Variants in STK32A observed in about 807,000 individuals in gnomAD.
The protein encoded by STK32A is serine/threonine kinase 32A.
In STK32A, 41 loss-of-function variants were observed where a neutral mutation model predicts 53.2. That is an observed-to-expected ratio of 0.77 (90% confidence interval 0.60 to 1.00). The LOEUF is 1.00. STK32A is among the 50% of genes least tolerant of loss of function. The probability of loss-of-function intolerance (pLI) is 0.00; values close to 1 mark genes in which losing one functional copy is unlikely to be tolerated. For synonymous variants in STK32A, 166 were observed against 162.8 expected, an observed-to-expected ratio of 1.02 and a Z score of -0.15; for missense variants, 458 against 485.8, an observed-to-expected ratio of 0.94 and a Z score of 0.54.
intron 4 of STK32A, among the ~76,000 whole-genome samples, chr5:147,306,618 A>T (rs1291529133): frequency 6.6e-6 from 1 of 151,774 alleles, no homozygotes; most frequent in East Asian, 1.9e-4. Context: ...TTCAAAATTC[A>T]GTATCTTCAC....
chr5:147,346,144 T>C (rs549028794), intron 6 of STK32A, among the ~76,000 whole-genome samples: 41 of 152,364 alleles, frequency 2.7e-4, no homozygotes, highest in African/African-American at 7.7e-4. Context: ...CAGCTCGTTA[T>C]GTAGAGCTGA....
At chr5:147,369,748 A>G (rs981294390) in intron 8 of STK32A, among the ~76,000 whole-genome samples, 1 of 152,212 alleles carries the variant, frequency 6.6e-6, no homozygotes, top group Non-Finnish European at 1.5e-5. Flanking sequence ...GTGTATATCC[A>G]TATTAACTGT....
chr5:147,325,971 C>T (rs764049734), intron 5 of STK32A, among the ~76,000 whole-genome samples: 1 of 152,164 alleles, frequency 6.6e-6, no homozygotes, highest in African/African-American at 2.4e-5. Flanking sequence ...ACTCTCTCTC[C>T]TTTTCCTGTT....
At chr5:147,314,527 C>CAAAA (rs979925499) in intron 4 of STK32A, among the ~76,000 whole-genome samples, 1 of 19,386 alleles carries the variant, frequency 5.2e-5, no homozygotes, top group African/African-American at 2.1e-4. Context: ...CAAAAAAAAA[C>CAAAA]AAAAAAAAAA....
intron 11 of STK32A, among the ~76,000 whole-genome samples, chr5:147,382,393 T>C (rs1322899111): frequency 3.3e-5 from 5 of 152,132 alleles, no homozygotes. Context: ...GATAGTTGTT[T>C]TGATGTCTTT....
At chr5:147,351,317 G>A (rs1213044175) in intron 7 of STK32A, among the ~76,000 whole-genome samples, 163 bp downstream of exon 7, 1 of 152,166 alleles carries the variant, frequency 6.6e-6, no homozygotes, top group East Asian at 1.9e-4. Context: ...AAGCACCCAA[G>A]ATGACTTTGA....
At chr5:147,313,665 T>G (rs1753814611) in intron 4 of STK32A, among the ~76,000 whole-genome samples, 1 of 152,202 alleles carries the variant, frequency 6.6e-6, no homozygotes. Flanking sequence ...GGCTCATACT[T>G]TTCAGTTTCG....
chr5:147,323,157 C>A (rs541362868), intron 4 of STK32A, among the ~76,000 whole-genome samples: 1 of 152,170 alleles, frequency 6.6e-6, no homozygotes, highest in South Asian at 2.1e-4. Context: ...TGAATGGGAG[C>A]GTAGGTCCAG....
chr5:147,308,719 C>A (rs1233221757), intron 4 of STK32A, among the ~76,000 whole-genome samples: 1 of 140,452 alleles, frequency 7.1e-6, no homozygotes, highest in Non-Finnish European at 1.6e-5. Context: ...TGTCCTAAGT[C>A]ACTAGAAGTT....
chr5:147,312,561 G>A (rs962501167), intron 4 of STK32A, among the ~76,000 whole-genome samples: 12 of 152,162 alleles, frequency 7.9e-5, no homozygotes, highest in African/African-American at 2.7e-4. Context: ...GAGTGGGTGC[G>A]ATCACTTATA....
intron 5 of STK32A, among the ~76,000 whole-genome samples, chr5:147,328,616 A>G (rs2151980395): frequency 6.6e-6 from 1 of 152,288 alleles, no homozygotes. Flanking sequence ...TTTGAAGTAT[A>G]ATATTCTCTT....
At chr5:147,311,781 G>T (rs770162720) in intron 4 of STK32A, among the ~76,000 whole-genome samples, 5 of 152,132 alleles carry the variant, frequency 3.3e-5, no homozygotes, top group Non-Finnish European at 7.4e-5. Flanking sequence ...TTAAGACTGG[G>T]TCTCACTATG....
At chr5:147,362,119 C>T (rs547245132) in intron 8 of STK32A, among the ~76,000 whole-genome samples, 75 of 152,246 alleles carry the variant, frequency 4.9e-4, no homozygotes, top group African/African-American at 1.6e-3. Flanking sequence ...AACTAAGAAT[C>T]TCTTTCCCAG....
At chr5:147,275,918 A>T (rs1010966) in intron 2 of STK32A, among the ~76,000 whole-genome samples, 14 of 151,916 alleles carry the variant, frequency 9.2e-5, no homozygotes, top group Non-Finnish European at 1.6e-4. Context: ...GGTGGTTCAC[A>T]AAATGGATTA....
At chr5:147,279,479 C>A (rs1420428700) in intron 4 of STK32A, 81 bp downstream of exon 4, 3 of 1,301,974 alleles carry the variant, frequency 2.3e-6, no homozygotes, top group Non-Finnish European at 3.1e-6. Flanking sequence ...GCCTCTGGGA[C>A]CTCAGCCCTG....
intron 2 of STK32A, among the ~76,000 whole-genome samples, chr5:147,276,188 A>G (rs1755252528): frequency 6.6e-6 from 1 of 152,198 alleles, no homozygotes; most frequent in African/African-American, 2.4e-5. Flanking sequence ...GAAACTCAAG[A>G]GAAAACTTAC....
At chr5:147,290,139 G>A (rs973678337) in intron 4 of STK32A, among the ~76,000 whole-genome samples, 2 of 152,046 alleles carry the variant, frequency 1.3e-5, no homozygotes, top group African/African-American at 2.4e-5. Context: ...AGAAATAGAC[G>A]GAGCCCTGAT....
downstream of STK32A, among the ~76,000 whole-genome samples, chr5:147,388,565 C>A (rs1469086628): frequency 6.6e-6 from 1 of 152,204 alleles, no homozygotes; most frequent in East Asian, 1.9e-4. Context: ...AAAGTACCAG[C>A]CTTAAGCATG....
chr5:147,240,973 CT>C (rs1753546878), intron 2 of STK32A, among the ~76,000 whole-genome samples: 1 of 152,158 alleles, frequency 6.6e-6, no homozygotes, highest in African/African-American at 2.4e-5. Context: ...TGGCTTGTCA[CT>C]TTCGTTCACT....
Sources: gnomAD v4.1 joint callset for allele counts (sites outside exome capture counted in the v4.1 genomes callset) on GRCh38, gnomAD v4.1.1 for gene constraint, MANE v1.5 for transcripts, NCBI Gene and HGNC (gene_info 2026-07-23, HGNC 2026-07-21) for gene names.